Variants in LGR4 observed in about 807,000 individuals in gnomAD.
LGR4 encodes leucine rich repeat containing G protein-coupled receptor 4, also known as leucine-rich repeat-containing G protein-coupled receptor 4.
A neutral mutation model predicts 84.8 loss-of-function variants in LGR4; 44 were observed. The observed-to-expected ratio is 0.52, with a 90% CI of 0.41 to 0.67. The LOEUF (loss-of-function observed/expected upper bound fraction) is 0.67, where lower values mean the gene tolerates loss of function less well. Among genes scored for constraint, LGR4 ranks in the 30% least tolerant of loss-of-function variants. LGR4 has a pLI of 0.00. For missense variants in LGR4, 1,032 were observed against 1,131.4 expected (o/e 0.91, Z 1.26); for synonymous variants, 429 against 434.3 (o/e 0.99, Z 0.15).
intron 1 of LGR4, among the ~76,000 whole-genome samples, chr11:27,462,031 C>A (rs1258554485): frequency 6.6e-6 from 1 of 151,772 alleles, no homozygotes; most frequent in African/African-American, 2.4e-5. Flanking sequence ...AAGGGTTTCA[C>A]CACATTGGCC....
intron 1 of LGR4, among the ~76,000 whole-genome samples, chr11:27,447,480 AG>A (rs963605834): frequency 6.6e-6 from 1 of 152,186 alleles, no homozygotes; most frequent in Non-Finnish European, 1.5e-5. Flanking sequence ...ATGGTCTGAA[AG>A]GGGGAAGAAC....
chr11:27,468,837 T>C (rs1004124892), intron 1 of LGR4, among the ~76,000 whole-genome samples: 15 of 152,198 alleles, frequency 9.9e-5, no homozygotes, highest in African/African-American at 3.1e-4. Context: ...CTTAAAACTA[T>C]GTGCCAAACA....
At chr11:27,416,332 T>C (rs1050476649) in intron 1 of LGR4, among the ~76,000 whole-genome samples, 5 of 152,186 alleles carry the variant, frequency 3.3e-5, no homozygotes, top group African/African-American at 1.2e-4. Context: ...AAATTGATAT[T>C]TTCTCTGCCC....
At chr11:27,452,295 T>G (rs1864493793) in intron 1 of LGR4, among the ~76,000 whole-genome samples, 1 of 152,188 alleles carries the variant, frequency 6.6e-6, no homozygotes. Context: ...GTTGCAAAAC[T>G]AGTGCAGACA....
chr11:27,424,797 G>A (rs1003215971), intron 1 of LGR4, among the ~76,000 whole-genome samples: 3 of 152,192 alleles, frequency 2.0e-5, no homozygotes, highest in Admixed American at 6.5e-5. Flanking sequence ...CACCCAGGCT[G>A]GAGTGCAATG....
At chr11:27,392,239 T>G (rs976120843) in intron 3 of LGR4, among the ~76,000 whole-genome samples, 3 of 151,962 alleles carry the variant, frequency 2.0e-5, no homozygotes, top group African/African-American at 7.3e-5. Flanking sequence ...GAGGTCAGAA[T>G]ACGTATTATT....
chr11:27,419,340 C>A (rs1863879745), intron 1 of LGR4, among the ~76,000 whole-genome samples: 1 of 151,676 alleles, frequency 6.6e-6, no homozygotes, highest in Admixed American at 6.6e-5. Flanking sequence ...GAAGGAAATG[C>A]AAATCAGACC....
chr11:27,459,727 G>A (rs1225520519), intron 1 of LGR4, among the ~76,000 whole-genome samples: 2 of 148,934 alleles, frequency 1.3e-5, no homozygotes, highest in Admixed American at 6.7e-5. Context: ...CACCCACCTC[G>A]GCCTCCCAAA....
chr11:27,436,634 CAA>C (rs984373376), intron 1 of LGR4, among the ~76,000 whole-genome samples: 1 of 151,946 alleles, frequency 6.6e-6, no homozygotes, highest in African/African-American at 2.4e-5. Context: ...GGAAAAAGAA[CAA>C]AATCCCAGGA....
chr11:27,450,465 C>T (rs571587752), intron 1 of LGR4, among the ~76,000 whole-genome samples: 1 of 152,256 alleles, frequency 6.6e-6, no homozygotes, highest in East Asian at 1.9e-4. Flanking sequence ...AATGTTGTTG[C>T]TGTATAATAA....
intron 10 of LGR4, among the ~76,000 whole-genome samples, chr11:27,379,656 A>G (rs1398729666): frequency 1.3e-5 from 2 of 152,294 alleles, no homozygotes; most frequent in East Asian, 3.9e-4. Flanking sequence ...GACTGTCTGG[A>G]GGGCTGAGGT....
intron 2 of LGR4, among the ~76,000 whole-genome samples, chr11:27,401,415 G>C (rs959631630): frequency 6.6e-6 from 1 of 152,038 alleles, no homozygotes; most frequent in Non-Finnish European, 1.5e-5. Context: ...CCAGGCAACA[G>C]TTATACTTCC....
intron 1 of LGR4, 94 bp downstream of exon 1, chr11:27,472,024 G>A (rs1864883270): frequency 1.1e-6 from 1 of 927,360 alleles, no homozygotes; most frequent in Non-Finnish European, 1.4e-6. Context: ...GCGGGGCGGG[G>A]TGGGGTGGGA....
chr11:27,469,845 G>A (rs747772016), intron 1 of LGR4, among the ~76,000 whole-genome samples: 20 of 152,174 alleles, frequency 1.3e-4, no homozygotes, highest in Non-Finnish European at 8.8e-5. Context: ...CTTGGAAAAA[G>A]ACCCTAGGTG....
At chr11:27,420,425 A>C (rs1465253629) in intron 1 of LGR4, among the ~76,000 whole-genome samples, 14 of 152,266 alleles carry the variant, frequency 9.2e-5, no homozygotes. Flanking sequence ...GAGAGGAACA[A>C]AACAAGTAAA....
At chr11:27,430,799 C>T (rs1864102582) in intron 1 of LGR4, among the ~76,000 whole-genome samples, 1 of 152,046 alleles carries the variant, frequency 6.6e-6, no homozygotes, top group South Asian at 2.1e-4. Context: ...CATGCCAATC[C>T]AGTGCTTAGC....
chr11:27,466,561 A>G (rs1293507093), intron 1 of LGR4, among the ~76,000 whole-genome samples: 1 of 152,230 alleles, frequency 6.6e-6, no homozygotes, highest in African/African-American at 2.4e-5. Flanking sequence ...ATATGCCTAA[A>G]CTTGCCTGGA....
intron 1 of LGR4, among the ~76,000 whole-genome samples, chr11:27,421,609 GGC>G (rs1214384348): frequency 6.6e-6 from 1 of 151,974 alleles, no homozygotes; most frequent in Non-Finnish European, 1.5e-5. Flanking sequence ...AGGTATGTGT[GGC>G]TTAAATTACA....
At chr11:27,461,738 C>T (rs1864685723) in intron 1 of LGR4, among the ~76,000 whole-genome samples, 1 of 151,700 alleles carries the variant, frequency 6.6e-6, no homozygotes. Context: ...AAAGATTGGA[C>T]ACCCCTGCTC....
Sources: gnomAD v4.1 joint callset for allele counts (sites outside exome capture counted in the v4.1 genomes callset) on GRCh38, gnomAD v4.1.1 for gene constraint, MANE v1.5 for transcripts, NCBI Gene and HGNC (gene_info 2026-07-23, HGNC 2026-07-21) for gene names.